Variants in NAV2 observed in about 807,000 individuals in gnomAD.
NAV2 encodes neuron navigator 2, also known as helicase, APC down-regulated 1.
A neutral mutation model predicts 223.2 loss-of-function variants in NAV2; 54 were observed. That is an observed-to-expected ratio of 0.24 (90% CI 0.19 to 0.30). NAV2 has a LOEUF of 0.30. NAV2 is among the 10% of genes least tolerant of loss of function. The pLI, the probability that NAV2 is intolerant of heterozygous loss-of-function variation, is 1.00. For synonymous variants in NAV2, 1,279 were observed against 1,239.3 expected (o/e 1.03, Z -0.67); for missense variants, 2,806 against 3,147.5 (o/e 0.89, Z 2.60).
rs1565648983 is a variant in NAV2, at chr11:19,960,629, T to TTTA, written c.2645+11551_2645+11552insATT. Among the ~76,000 whole-genome samples, 516 of 87,910 alleles carry TTTA rather than the reference T, an allele frequency of 5.9e-3. 15 individuals carry two copies. The East Asian group carries it at 0.09, about 15-fold the overall frequency. The allele number at this position is 87,910 out of a possible 152,430, so 57.7% of individuals were successfully genotyped here. On this transcript the variant is annotated intron_variant, in intron 10 of 37. Coordinates refer to ENST00000349880, the MANE Select transcript of NAV2 (RefSeq NM_145117.5). ...TATTTATTTATTTATTTATTTATTT[T>TTTA]TTGAGACAGAATCTTGCTCCGTTGC...
intron 1 of NAV2, among the ~76,000 whole-genome samples, chr11:19,798,999 T>G (rs979260344): frequency 6.6e-6 from 1 of 152,138 alleles, no homozygotes; most frequent in Non-Finnish European, 1.5e-5. Flanking sequence ...CATGAGGTGG[T>G]TAAGGAGAAG....
At chr11:20,004,028 C>G (rs2052807232) in intron 11 of NAV2, among the ~76,000 whole-genome samples, 1 of 152,182 alleles carries the variant, frequency 6.6e-6, no homozygotes, top group Non-Finnish European at 1.5e-5. Flanking sequence ...TGCATCCAGT[C>G]TGCATAAGCC....
chr11:20,106,585 T>C (rs2062135144), intron 35 of NAV2, among the ~76,000 whole-genome samples: 1 of 151,676 alleles, frequency 6.6e-6, no homozygotes, highest in Non-Finnish European at 1.5e-5. Context: ...TCCTTTTTCA[T>C]TTAGCACTAT....
chr11:19,863,792 C>T (rs2625323), intron 3 of NAV2, among the ~76,000 whole-genome samples: 1 of 152,158 alleles, frequency 6.6e-6, no homozygotes, highest in Non-Finnish European at 1.5e-5. Flanking sequence ...TCCCTGCGTT[C>T]GACTGTAGGT....
rs1296107618 is a variant in NAV2, at chr11:19,998,780, TAGAG to T, written c.2768+14536_2768+14539del. Among the ~76,000 whole-genome samples, 1 of 152,162 alleles carries T rather than the reference TAGAG, an allele frequency of 6.6e-6. No homozygotes were observed. Among genetic ancestry groups the T allele is most frequent in the Non-Finnish European group, 1.5e-5 (1 of 68,038 alleles). The stretch of plus-strand genomic sequence containing the variant: ...AGGTCTCAACTCAAACTTCACCACT[TAGAG>T]AGGCTGCTACTGACCACTCAATCTA... On this transcript the variant is annotated intron_variant, in intron 11 of 37. Coordinates refer to ENST00000349880, the MANE Select transcript of NAV2 (RefSeq NM_145117.5). This position sits in a 1 kb window ranked among gnomAD's most constrained non-coding sequence, Gnocchi z 5.0.
intron 1 of NAV2, among the ~76,000 whole-genome samples, chr11:19,797,204 T>TC (rs1470821352): frequency 6.6e-6 from 1 of 151,368 alleles, no homozygotes; most frequent in Non-Finnish European, 1.5e-5. Flanking sequence ...AGTAGATGAG[T>TC]CCCCCCACTT....
chr11:19,430,670 T>C (rs1160549730), intron 1 of NAV2, among the ~76,000 whole-genome samples: 2 of 152,208 alleles, frequency 1.3e-5, no homozygotes, highest in Non-Finnish European at 2.9e-5. Context: ...GGAGTTGTTT[T>C]TGCAAGTTTC....
chr11:20,012,669 C>T (rs2053653176), intron 11 of NAV2, among the ~76,000 whole-genome samples: 1 of 98,820 alleles, frequency 1.0e-5, no homozygotes, highest in Non-Finnish European at 1.9e-5. Context: ...AGTTAGACTC[C>T]ATCTCAAAAA....
chr11:20,055,853 A>G lies in NAV2; in HGVS notation c.4727A>G (p.Tyr1576Cys), dbSNP rs2058332688. The G allele has an allele frequency of 6.2e-7, 1 of 1,614,206 alleles. No individual in the cohort carries two copies. The highest frequency in any genetic ancestry group is 8.5e-7 in the Non-Finnish European group (1 of 1,180,026). Residue 1576 changes from tyrosine to cysteine, a missense_variant, in exon 19 of 38, where the codon TAT becomes TGT. By Grantham distance (194) the Tyr-to-Cys change is radical (BLOSUM62 -2). This residue lies in a region of NAV2 where 742 missense variants were observed against 777.9 expected (regional missense o/e 0.95). Coordinates refer to ENST00000349880, the MANE Select transcript of NAV2 (RefSeq NM_145117.5). Reference protein sequence around the residue: ...THSLSNADGQYDPYTDSRFRN... With the variant: ...THSLSNADGQCDPYTDSRFRN... Reference sequence around the variant, plus strand: ...AGCCTCTCCAATGCTGATGGGCAGTATGATCCATACACTGACAGCCGCTTC... The same window carrying G: ...AGCCTCTCCAATGCTGATGGGCAGTGTGATCCATACACTGACAGCCGCTTC...
At chr11:19,590,018 T>C (rs186468485) in intron 1 of NAV2, among the ~76,000 whole-genome samples, 5 of 152,326 alleles carry the variant, frequency 3.3e-5, no homozygotes, top group Admixed American at 3.3e-4. Context: ...TGGTGAATTG[T>C]GTAGGCTCAG....
chr11:19,762,611 C>CTT (rs35264238), intron 1 of NAV2, among the ~76,000 whole-genome samples: 144 of 109,516 alleles, frequency 1.3e-3, no homozygotes, highest in Middle Eastern at 5.1e-3. Context: ...GAGAAGTCTT[C>CTT]TTTTTTTTTT....
chr11:19,645,050 G>T (rs77867121), intron 1 of NAV2, among the ~76,000 whole-genome samples: 1 of 152,166 alleles, frequency 6.6e-6, no homozygotes, highest in South Asian at 2.1e-4. Context: ...TTAAAACAAC[G>T]CAAGCCTATT....
chr11:19,952,180 T>C (rs757337791), intron 10 of NAV2, among the ~76,000 whole-genome samples: 3 of 152,234 alleles, frequency 2.0e-5, no homozygotes, highest in Non-Finnish European at 4.4e-5. Flanking sequence ...ATTGAAAGGC[T>C]GGTTATTCTG....
At chr11:19,550,199 C>T (rs561555012) in intron 1 of NAV2, among the ~76,000 whole-genome samples, 61 of 152,094 alleles carry the variant, frequency 4.0e-4, no homozygotes, top group Non-Finnish European at 7.5e-4. Context: ...TTTGACAAAA[C>T]AATATCTAAA....
chr11:19,800,685 G>T (rs1436373038), intron 1 of NAV2, among the ~76,000 whole-genome samples: 1 of 151,834 alleles, frequency 6.6e-6, no homozygotes, highest in Non-Finnish European at 1.5e-5. Context: ...GTGTGTGTGT[G>T]TGTGTGTGTG....
chr11:19,642,508 G>C (rs2047693215), intron 1 of NAV2, among the ~76,000 whole-genome samples: 2 of 152,150 alleles, frequency 1.3e-5, no homozygotes, highest in Non-Finnish European at 2.9e-5. Flanking sequence ...TGTCAGACCT[G>C]CAGTTCCACT....
intron 1 of NAV2, among the ~76,000 whole-genome samples, chr11:19,790,049 GA>G (rs771343169): frequency 6.6e-6 from 1 of 152,160 alleles, no homozygotes; most frequent in Non-Finnish European, 1.5e-5. Flanking sequence ...TGCCAAGGGG[GA>G]AAAACCAAGG....
upstream of NAV2, among the ~76,000 whole-genome samples, chr11:19,710,375 T>C (rs765236395): frequency 1.6e-4 from 24 of 152,254 alleles, no homozygotes; most frequent in Non-Finnish European, 2.8e-4. Flanking sequence ...AATCTGAATC[T>C]GTATTTTAGC....
At chr11:19,637,019 A>G (rs2047521966) in intron 1 of NAV2, among the ~76,000 whole-genome samples, 3 of 152,214 alleles carry the variant, frequency 2.0e-5, no homozygotes, top group Non-Finnish European at 4.4e-5. Context: ...AGCCTTCTAT[A>G]AAGCAACCAG....
Sources: allele counts gnomAD v4.1 joint callset (sites outside exome capture counted in the v4.1 genomes callset), GRCh38; gene constraint gnomAD v4.1.1; regional missense constraint gnomAD v4.1.1; non-coding constraint Gnocchi (gnomAD v3.1); transcripts MANE v1.5; gene names NCBI Gene and HGNC (gene_info 2026-07-23, HGNC 2026-07-21).